Variants in SNTG1 observed in about 807,000 individuals in gnomAD.
The protein encoded by SNTG1 is gamma-1-syntrophin.
In SNTG1, 39 loss-of-function variants were observed where a neutral mutation model predicts 74.7. The ratio of observed to expected loss-of-function variants is 0.52; its 90% CI spans 0.40 to 0.68. The LOEUF is 0.68. Among genes scored for constraint, SNTG1 ranks in the 30% least tolerant of loss-of-function variants. The probability of loss-of-function intolerance (pLI) is 0.00; values close to 1 mark genes in which losing one functional copy is unlikely to be tolerated. For missense variants in SNTG1, 685 were observed against 609.5 expected (o/e 1.12, Z -1.30); for synonymous variants, 254 against 217.1 (o/e 1.17, Z -1.49).
intron 4 of SNTG1, among the ~76,000 whole-genome samples, chr8:50,407,621 G>A (rs548431700): frequency 6.6e-6 from 1 of 152,328 alleles, no homozygotes; most frequent in East Asian, 1.9e-4. Flanking sequence ...TGCTCAGGCT[G>A]AAAGAAAGTG....
chr8:50,725,380 CT>C (rs1779452286), intron 17 of SNTG1, among the ~76,000 whole-genome samples: 1 of 152,028 alleles, frequency 6.6e-6, no homozygotes, highest in African/African-American at 2.4e-5. Context: ...GCTCACCTTA[CT>C]TTTTTAACTT....
At chr8:50,298,948 G>T (rs1013587811) in intron 2 of SNTG1, among the ~76,000 whole-genome samples, 1 of 152,114 alleles carries the variant, frequency 6.6e-6, no homozygotes, top group Non-Finnish European at 1.5e-5. Flanking sequence ...TAATAGGAAG[G>T]TTTAATTTTT....
At chr8:50,529,875 C>A (rs71511999) in intron 9 of SNTG1, among the ~76,000 whole-genome samples, 8,197 of 143,244 alleles carry the variant, frequency 0.057, 330 homozygotes, top group Non-Finnish European at 0.087. Flanking sequence ...TTTCTAAGAG[C>A]AGGCCACTTT....
intron 18 of SNTG1, among the ~76,000 whole-genome samples, chr8:50,775,608 C>T (rs941848237): frequency 1.3e-5 from 2 of 151,576 alleles, no homozygotes; most frequent in African/African-American, 4.8e-5. Context: ...TCCAAAAGTT[C>T]TAAAAATGTT....
At chr8:49,921,424 C>T (rs1806536805) in intron 1 of SNTG1, among the ~76,000 whole-genome samples, 2 of 152,008 alleles carry the variant, frequency 1.3e-5, no homozygotes, top group South Asian at 4.2e-4. Context: ...AAACGATTAA[C>T]ATAATGTTTG....
At chr8:50,546,971 T>A (rs1490860182) in intron 11 of SNTG1, among the ~76,000 whole-genome samples, 2 of 151,992 alleles carry the variant, frequency 1.3e-5, no homozygotes, top group Admixed American at 1.3e-4. Flanking sequence ...TTAGTAGAGA[T>A]GGGGTTTTGC....
chr8:50,470,216 C>T lies in SNTG1; in HGVS notation c.363+19487C>T, dbSNP rs570833301. ...TGTTAACAAAGCAACAAAGTTTAGC[C>T]GAACCTAATACTCCCAGTAATGAAC... On this transcript the variant is annotated intron_variant, in intron 8 of 18. Transcript: ENST00000642720. Among the ~76,000 whole-genome samples, 177 of 152,238 alleles carry T rather than the reference C, an allele frequency of 1.2e-3. 5 individuals are homozygous for T. The highest frequency in any genetic ancestry group is 3.8e-3 in the African/African-American group (158 of 41,550).
At chr8:50,138,554 G>T (rs1286467940) in intron 1 of SNTG1, among the ~76,000 whole-genome samples, 1 of 151,580 alleles carries the variant, frequency 6.6e-6, no homozygotes, top group Non-Finnish European at 1.5e-5. Flanking sequence ...GAACCTGGGA[G>T]GTGGAGGTTG....
At chr8:50,461,356 C>T (rs1291737660) in intron 8 of SNTG1, among the ~76,000 whole-genome samples, 1 of 152,032 alleles carries the variant, frequency 6.6e-6, no homozygotes, top group South Asian at 2.1e-4. Flanking sequence ...TTTCAGAATT[C>T]TTCATTGTAA....
intron 4 of SNTG1, among the ~76,000 whole-genome samples, chr8:50,426,450 A>T (rs557604918): frequency 3.2e-4 from 49 of 151,980 alleles, no homozygotes; most frequent in African/African-American, 1.1e-3. Context: ...AAAACATTTT[A>T]AAAATAAAAT....
At chr8:50,428,321 G>T (rs1170099660) in intron 4 of SNTG1, among the ~76,000 whole-genome samples, 1 of 151,970 alleles carries the variant, frequency 6.6e-6, no homozygotes, top group African/African-American at 2.4e-5. Flanking sequence ...TAAAAGAAAA[G>T]AAAAACAATA....
At chr8:50,322,953 T>C (rs1418776599) in intron 2 of SNTG1, among the ~76,000 whole-genome samples, 1 of 151,768 alleles carries the variant, frequency 6.6e-6, no homozygotes, top group Non-Finnish European at 1.5e-5. Context: ...CCATCTCTAC[T>C]TAAAATACAA....
At chr8:50,275,143 G>C (rs1019832176) in intron 2 of SNTG1, among the ~76,000 whole-genome samples, 4 of 151,914 alleles carry the variant, frequency 2.6e-5, no homozygotes, top group Admixed American at 6.6e-5. Flanking sequence ...TTTCTTCCTT[G>C]ACTATATAGT....
intron 13 of SNTG1, among the ~76,000 whole-genome samples, chr8:50,609,740 A>G (rs2094837088): frequency 6.6e-6 from 1 of 152,056 alleles, no homozygotes; most frequent in Non-Finnish European, 1.5e-5. Flanking sequence ...TCTGCCTTTC[A>G]GATTGGATAA....
intron 13 of SNTG1, among the ~76,000 whole-genome samples, chr8:50,618,535 C>T (rs1442822171): frequency 1.3e-5 from 2 of 152,182 alleles, no homozygotes; most frequent in Non-Finnish European, 2.9e-5. Flanking sequence ...AAACAGCACA[C>T]ATTACATAAG....
At chr8:50,512,875 C>T (rs1479052863) in intron 9 of SNTG1, among the ~76,000 whole-genome samples, 1 of 152,074 alleles carries the variant, frequency 6.6e-6, no homozygotes. Context: ...CCTCCTTTAG[C>T]TTGGAGTAGT....
intron 12 of SNTG1, among the ~76,000 whole-genome samples, chr8:50,559,092 G>T (rs970222196): frequency 3.9e-4 from 59 of 152,172 alleles, no homozygotes; most frequent in African/African-American, 1.4e-3. Flanking sequence ...AAAGTAAGGG[G>T]TGCTATTTCA....
chr8:50,305,606 T>A (rs184883888), intron 2 of SNTG1, among the ~76,000 whole-genome samples: 14 of 152,068 alleles, frequency 9.2e-5, no homozygotes, highest in Admixed American at 2.6e-4. Flanking sequence ...TTTTACTTTG[T>A]TTTTGTATTT....
At chr8:50,522,359 A>G (rs2094186425) in intron 9 of SNTG1, among the ~76,000 whole-genome samples, 1 of 152,080 alleles carries the variant, frequency 6.6e-6, no homozygotes, top group Non-Finnish European at 1.5e-5. Context: ...GGGCTTAAAT[A>G]TTCAGTAAAC....
Sources: allele counts gnomAD v4.1 joint callset (sites outside exome capture counted in the v4.1 genomes callset), GRCh38; gene constraint gnomAD v4.1.1; transcripts MANE v1.5; gene names NCBI Gene and HGNC (gene_info 2026-07-23, HGNC 2026-07-21).